The following EZR variants were observed in gnomAD, a reference collection of about 807,000 sequenced individuals.
The protein encoded by EZR is cytovillin 2.
Under a neutral mutation model 74.8 loss-of-function variants are expected in EZR, and 40 were observed. The observed-to-expected ratio is 0.53, with a 90% CI of 0.42 to 0.70. The LOEUF is 0.70. Ranked by LOEUF, EZR falls within the 30% of genes least tolerant of loss-of-function variation. EZR has a pLI of 0.00. For synonymous variants in EZR, 341 were observed against 283.3 expected (o/e 1.20, Z -2.05); for missense variants, 678 against 755.8 (o/e 0.90, Z 1.21).
chr6:158,805,457 C>G (rs1477912615), intron 2 of EZR, among the ~76,000 whole-genome samples: 1 of 151,902 alleles, frequency 6.6e-6, no homozygotes, highest in African/African-American at 2.4e-5. Flanking sequence ...ATTTTTGCCC[C>G]TAGTTAAGAT....
intron 2 of EZR, among the ~76,000 whole-genome samples, chr6:158,817,745 T>A (rs1454736309): frequency 6.6e-6 from 1 of 152,192 alleles, no homozygotes; most frequent in Non-Finnish European, 1.5e-5. Flanking sequence ...TGATTTGGAC[T>A]TTTTAAGAAA....
intron 3 of EZR, among the ~76,000 whole-genome samples, chr6:158,787,503 T>C (rs1791614054): frequency 6.6e-6 from 1 of 152,176 alleles, no homozygotes; most frequent in Non-Finnish European, 1.5e-5. Flanking sequence ...CTCTCCTGCA[T>C]GAAACTCAGC....
In EZR at chr6:158,766,464, C is replaced by T. The variant is rs929559783; in HGVS notation, c.*450G>A. On this transcript the variant is annotated 3_prime_UTR_variant, in exon 14 of 14. Transcript: ENST00000367075. ...CCAAAATAATTTTCACCCCTCTAAG[C>T]ATGTAAATATACAAAGATGGATCCT... is the stretch of plus-strand genomic sequence containing the variant. The T allele has an allele frequency of 6.3e-6, 1 of 157,764 alleles. No individual in the cohort carries two copies. Among genetic ancestry groups the T allele is most frequent in the African/African-American group, 2.4e-5 (1 of 41,536 alleles). The allele number at this position is 157,764 out of a possible 1,614,324, so 9.8% of individuals were successfully genotyped here.
At chr6:158,789,787 G>A (rs1212430445) in intron 2 of EZR, among the ~76,000 whole-genome samples, 2 of 152,114 alleles carry the variant, frequency 1.3e-5, no homozygotes, top group African/African-American at 4.8e-5. Flanking sequence ...AGCTCGTTTT[G>A]TTTTTTACTT....
chr6:158,802,563 C>T (rs948427185), intron 2 of EZR, among the ~76,000 whole-genome samples: 9 of 152,172 alleles, frequency 5.9e-5, no homozygotes, highest in Non-Finnish European at 1.3e-4. Context: ...CGGAGTTTCA[C>T]TCTTGTTGCC....
chr6:158,784,361 T>C (rs1265439281), intron 6 of EZR, among the ~76,000 whole-genome samples: 1 of 152,226 alleles, frequency 6.6e-6, no homozygotes, highest in African/African-American at 2.4e-5. Flanking sequence ...ACAATGCCCC[T>C]CTGACTAAGA....
chr6:158,819,151 G>A (rs1389941710), intron 1 of EZR, among the ~76,000 whole-genome samples, 166 bp downstream of exon 1: 1 of 151,794 alleles, frequency 6.6e-6, no homozygotes, highest in Non-Finnish European at 1.5e-5. Context: ...GGGGCCGCGG[G>A]CCGGCTCAGC....
intron 8 of EZR, 28 bp from the exon 9 acceptor site, chr6:158,771,435 C>A: frequency 6.5e-7 from 1 of 1,550,188 alleles, no homozygotes; most frequent in South Asian, 1.2e-5. Context: ...GCCACCTGGA[C>A]TCAAGCTCCT....
At chr6:158,768,366 A>C (rs1790982408) in intron 12 of EZR, among the ~76,000 whole-genome samples, 1 of 146,440 alleles carries the variant, frequency 6.8e-6, no homozygotes, top group Non-Finnish European at 1.5e-5. Flanking sequence ...TTAACTACCC[A>C]GTCTCAGCTT....
At chr6:158,803,045 C>A (rs1777222118) in intron 2 of EZR, among the ~76,000 whole-genome samples, 2 of 151,946 alleles carry the variant, frequency 1.3e-5, no homozygotes, top group Non-Finnish European at 2.9e-5. Context: ...ATGCCACTCA[C>A]ACCTCCTTTT....
intron 12 of EZR, among the ~76,000 whole-genome samples, chr6:158,769,029 A>G (rs1791010347): frequency 6.6e-6 from 1 of 152,202 alleles, no homozygotes. Flanking sequence ...TCAGCACTGA[A>G]CAGTTCGGGG....
At chr6:158,803,517 T>C (rs751265305) in intron 2 of EZR, among the ~76,000 whole-genome samples, 2 of 126,140 alleles carry the variant, frequency 1.6e-5, no homozygotes, top group African/African-American at 3.0e-5. Flanking sequence ...AGGGTAAATA[T>C]TATGTAACAT....
intron 9 of EZR, 63 bp downstream of exon 9, chr6:158,771,181 C>CCG (rs139482745): frequency 6.4e-6 from 6 of 942,944 alleles, no homozygotes; most frequent in Non-Finnish European, 9.5e-6. Context: ...CTGACAGGCA[C>CCG]TGGCTGCCAG....
intron 2 of EZR, among the ~76,000 whole-genome samples, chr6:158,794,423 T>C (rs1188127915): frequency 6.6e-6 from 1 of 152,204 alleles, no homozygotes; most frequent in Non-Finnish European, 1.5e-5. Flanking sequence ...CAACTGTTTT[T>C]AGTGAACTCA....
At chr6:158,800,310 G>T (rs1257100827) in intron 2 of EZR, among the ~76,000 whole-genome samples, 1 of 152,030 alleles carries the variant, frequency 6.6e-6, no homozygotes, top group Admixed American at 6.6e-5. Context: ...CACTGGTCAG[G>T]GCTCTTCTCT....
intron 2 of EZR, among the ~76,000 whole-genome samples, chr6:158,814,040 A>G (rs532174106): frequency 6.6e-6 from 1 of 152,234 alleles, no homozygotes; most frequent in African/African-American, 2.4e-5. Context: ...TGCTTCCGGG[A>G]CCAATGATCT....
chr6:158,790,543 G>A lies in EZR; in HGVS notation c.13-1172C>T, dbSNP rs559826705. ...TACAAAATTAGCTGGGCATAGTGGC[G>A]CACGCCTGTAGTCCCAGCTACTTGG... On this transcript the variant is annotated intron_variant, in intron 2 of 13. Transcript: ENST00000367075. Among the ~76,000 whole-genome samples the A allele has an allele frequency of 5.9e-5, 9 of 152,256 alleles. No homozygotes were observed. The South Asian group carries it at 1.0e-3, about 18-fold the overall frequency.
rs140592570 is a variant in EZR at position 158,813,811 on chromosome 6, G to C, written c.12+4271C>G. ...TAACACTTCAGAAATGAACAGGTAA[G>C]ATGTGTTGGAGCCACTTAAAGGCAG... is the stretch of plus-strand genomic sequence containing the variant. On this transcript the variant is annotated intron_variant, in intron 2 of 13. Coordinates refer to ENST00000367075, the MANE Select transcript of EZR (RefSeq NM_001111077.2). Among the ~76,000 whole-genome samples the C allele has an allele frequency of 2.9e-3, 436 of 152,322 alleles. 2 individuals carry two copies. Among genetic ancestry groups the C allele is most frequent in the African/African-American group, 0.01 (417 of 41,552 alleles).
In EZR at chr6:158,766,307, AAAAAAC is replaced by A. The variant is rs1209673769; in HGVS notation, c.*601_*606del. 8.6e-6 allele frequency: 1 copy of A among 115,874 alleles called. No homozygotes were observed. Among genetic ancestry groups the A allele is most frequent in the Non-Finnish European group, 2.1e-5 (1 of 48,066 alleles). 7.2% of individuals were successfully genotyped at this position (115,874 alleles called of 1,614,324 possible). The stretch of plus-strand genomic sequence containing the variant: ...TTCTAAAACTGTTAAGCAAAAAAAA[AAAAAAC>A]AAAAAAAAAAATCCAAGTGTCCTCC... On this transcript the variant is annotated 3_prime_UTR_variant, in exon 14 of 14. Transcript: ENST00000367075.
Sources: gnomAD v4.1 joint callset for allele counts (sites outside exome capture counted in the v4.1 genomes callset) on GRCh38, gnomAD v4.1.1 for gene constraint, MANE v1.5 for transcripts, NCBI Gene and HGNC (gene_info 2026-07-23, HGNC 2026-07-21) for gene names.